Variants in LSAMP observed in about 807,000 individuals in gnomAD.
The protein encoded by LSAMP is limbic system associated membrane protein, also known as limbic system-associated membrane protein.
LSAMP carries 7 observed loss-of-function variants against 38.6 expected under a neutral mutation model. That is an observed-to-expected ratio of 0.18 (90% CI 0.10 to 0.34). The LOEUF (loss-of-function observed/expected upper bound fraction) is 0.34, where lower values mean the gene tolerates loss of function less well. Among genes scored for constraint, LSAMP ranks in the 10% least tolerant of loss-of-function variants. LSAMP has a pLI of 1.00. For missense variants in LSAMP, 313 were observed against 420.0 expected, an observed-to-expected ratio of 0.75 and a Z score of 2.23; for synonymous variants, 154 against 166.8, an observed-to-expected ratio of 0.92 and a Z score of 0.59.
intron 3 of LSAMP, among the ~76,000 whole-genome samples, chr3:116,007,408 T>C (rs1308590741): frequency 4.6e-5 from 7 of 152,212 alleles, no homozygotes; most frequent in Non-Finnish European, 1.0e-4. Context: ...GAGGTTCCTC[T>C]TTTTTATTAG....
intron 1 of LSAMP, among the ~76,000 whole-genome samples, chr3:116,213,581 A>G (rs1360704483): frequency 1.3e-5 from 2 of 152,164 alleles, no homozygotes; most frequent in Non-Finnish European, 2.9e-5. Context: ...TGATATTTGC[A>G]TTTTCAAGTT....
At position 115,916,903 on chromosome 3, in the gene LSAMP, T is replaced by C. The variant is rs142237602; in HGVS notation, c.515-64286A>G. Among the ~76,000 whole-genome samples, 771 of 152,242 alleles carry C rather than the reference T, an allele frequency of 5.1e-3. 10 individuals carry two copies. Among genetic ancestry groups the C allele is most frequent in the African/African-American group, 0.018 (742 of 41,538 alleles). On this transcript the variant is annotated intron_variant, in intron 3 of 6. Transcript: ENST00000490035. Reference sequence around the variant, plus strand: ...TCCTGGGGAGGATAGAAATAGAAAGTAGTAGGTTGGAAAGTAAGTGGTAAT... The same window carrying C: ...TCCTGGGGAGGATAGAAATAGAAAGCAGTAGGTTGGAAAGTAAGTGGTAAT...
At chr3:116,320,208 T>G (rs950244708) in intron 1 of LSAMP, among the ~76,000 whole-genome samples, 8 of 151,840 alleles carry the variant, frequency 5.3e-5, no homozygotes, top group Non-Finnish European at 7.4e-5. Flanking sequence ...AGGTCAGGAG[T>G]TCGAGACCAG....
At chr3:116,239,175 A>C (rs2046500287) in intron 1 of LSAMP, among the ~76,000 whole-genome samples, 1 of 152,184 alleles carries the variant, frequency 6.6e-6, no homozygotes, top group South Asian at 2.1e-4. Flanking sequence ...CCACAGGGCT[A>C]TGAAATGTAT....
chr3:116,289,757 TTAAG>T (rs916062985), intron 1 of LSAMP, among the ~76,000 whole-genome samples: 2 of 152,198 alleles, frequency 1.3e-5, no homozygotes, highest in Non-Finnish European at 2.9e-5. Context: ...AACCTGCTTA[TTAAG>T]TTTTTAATTA....
chr3:116,053,767 C>G (rs1229159894), intron 2 of LSAMP, among the ~76,000 whole-genome samples: 1 of 152,058 alleles, frequency 6.6e-6, no homozygotes, highest in Admixed American at 6.6e-5. Flanking sequence ...TAATGTTGAG[C>G]CATTCAAGTC....
chr3:115,999,677 C>T (rs1359567517), intron 3 of LSAMP, among the ~76,000 whole-genome samples: 2 of 152,098 alleles, frequency 1.3e-5, no homozygotes, highest in African/African-American at 2.4e-5. Context: ...ACCACTTCTG[C>T]GAAGGGTTTT....
chr3:115,977,135 G>T (rs1402726040), intron 3 of LSAMP, among the ~76,000 whole-genome samples: 1 of 152,060 alleles, frequency 6.6e-6, no homozygotes, highest in Non-Finnish European at 1.5e-5. Flanking sequence ...GATTTAGAAT[G>T]ACCCAAGATG....
At chr3:116,218,633 T>A (rs566506211) in intron 1 of LSAMP, among the ~76,000 whole-genome samples, 10 of 152,324 alleles carry the variant, frequency 6.6e-5, no homozygotes, top group Non-Finnish European at 1.3e-4. Flanking sequence ...TACCTCTCCC[T>A]TTTACTTTTT....
chr3:115,939,572 C>CTTTCTTTCTTTCTT (rs1559889094), intron 3 of LSAMP, among the ~76,000 whole-genome samples: 1 of 148,104 alleles, frequency 6.8e-6, no homozygotes, highest in East Asian at 2.0e-4. Context: ...TTCTTTCTTT[C>CTTTCTTTCTTTCTT]TTTCTTTCTT....
intron 1 of LSAMP, among the ~76,000 whole-genome samples, chr3:116,232,192 G>A (rs1332291316): frequency 2.0e-5 from 3 of 152,136 alleles, no homozygotes; most frequent in African/African-American, 7.2e-5. Flanking sequence ...AGAGGCTGGA[G>A]AGCCTCCAAA....
chr3:115,911,646 C>T (rs1350831295), intron 3 of LSAMP, among the ~76,000 whole-genome samples: 3 of 152,250 alleles, frequency 2.0e-5, no homozygotes, highest in South Asian at 2.1e-4. Context: ...GCCTGGCCTA[C>T]GTATGGGTTT....
intron 1 of LSAMP, among the ~76,000 whole-genome samples, chr3:116,112,968 CATTT>C (rs1708650180): frequency 6.9e-6 from 1 of 144,072 alleles, no homozygotes; most frequent in Non-Finnish European, 1.5e-5. Flanking sequence ...TTCCAGTACT[CATTT>C]TTTTTTTTTT....
chr3:115,987,961 TA>T (rs1393819741), intron 3 of LSAMP, among the ~76,000 whole-genome samples: 1 of 152,280 alleles, frequency 6.6e-6, no homozygotes, highest in East Asian at 1.9e-4. Context: ...AGGACAATTT[TA>T]TAAACTATAT....
intron 1 of LSAMP, among the ~76,000 whole-genome samples, chr3:116,204,374 T>A (rs2046034117): frequency 6.6e-6 from 1 of 152,192 alleles, no homozygotes; most frequent in African/African-American, 2.4e-5. Flanking sequence ...TGATGGTAGT[T>A]TCTTTTGCTG....
intron 1 of LSAMP, among the ~76,000 whole-genome samples, chr3:116,162,756 TAC>T (rs1709927913): frequency 1.1e-5 from 1 of 89,892 alleles, no homozygotes; most frequent in Non-Finnish European, 2.2e-5. Context: ...ACATATCGTA[TAC>T]ACACACTTAT....
At chr3:116,155,164 T>C (rs1709715699) in intron 1 of LSAMP, among the ~76,000 whole-genome samples, 1 of 152,088 alleles carries the variant, frequency 6.6e-6, no homozygotes, top group African/African-American at 2.4e-5. Context: ...ATTTGATTAA[T>C]GTCTGTTCTC....
intron 1 of LSAMP, among the ~76,000 whole-genome samples, chr3:116,137,074 G>A (rs1920374): frequency 0.54 from 81,907 of 151,850 alleles, 22,941 homozygotes; most frequent in East Asian, 0.74. Flanking sequence ...GATCCTTGGT[G>A]TTCCTGGTGT....
At chr3:116,294,943 G>GTTC (rs5852006) in intron 1 of LSAMP, among the ~76,000 whole-genome samples, 37,016 of 151,948 alleles carry the variant, frequency 0.24, 7,588 homozygotes, top group African/African-American at 0.56. Context: ...CAACTGCATA[G>GTTC]TTCTTACAAT....
Sources: allele counts gnomAD v4.1 joint callset (sites outside exome capture counted in the v4.1 genomes callset), GRCh38; gene constraint gnomAD v4.1.1; transcripts MANE v1.5; gene names NCBI Gene and HGNC (gene_info 2026-07-23, HGNC 2026-07-21).